Variants in TAOK1 observed in about 807,000 individuals in gnomAD.
TAOK1 encodes TAO kinase 1, also known as serine/threonine-protein kinase TAO1.
TAOK1 carries 21 observed loss-of-function variants against 138.3 expected under a neutral mutation model. The observed-to-expected ratio is 0.15, with a 90% confidence interval of 0.11 to 0.22. The LOEUF (loss-of-function observed/expected upper bound fraction) is 0.22. Ranked by LOEUF, TAOK1 falls within the 10% of genes least tolerant of loss-of-function variation. TAOK1 has a pLI of 1.00. For synonymous variants in TAOK1, 361 were observed against 398.4 expected (o/e 0.91, Z 1.12); for missense variants, 651 against 1,227.7 (o/e 0.53, Z 7.02).
At chr17:29,434,174 T>C (rs555242393) in intron 1 of TAOK1, among the ~76,000 whole-genome samples, 1 of 152,314 alleles carries the variant, frequency 6.6e-6, no homozygotes, top group African/African-American at 2.4e-5. Flanking sequence ...TGCTGGCATG[T>C]TGGGCTTTTG....
rs1353020568 is a variant in TAOK1, at chr17:29,544,414, C to T, written c.*1392C>T. ...CAAGTTAACATCACACAATAGGAAA[C>T]ACCACTTCCACAAGTCTCAAGCCTC... On this transcript the variant is annotated 3_prime_UTR_variant, in exon 20 of 20. Transcript: ENST00000261716. The T allele has an allele frequency of 6.6e-6, 1 of 152,508 alleles. No homozygotes were observed. The highest frequency in any genetic ancestry group is 1.5e-5 in the Non-Finnish European group (1 of 68,024). The allele number at this position is 152,508 out of a possible 1,614,324, so 9.4% of individuals were successfully genotyped here.
At chr17:29,439,762 A>G (rs1906154755) in intron 1 of TAOK1, among the ~76,000 whole-genome samples, 3 of 151,386 alleles carry the variant, frequency 2.0e-5, no homozygotes, top group African/African-American at 7.3e-5. Flanking sequence ...AGGACTACCA[A>G]TCTGTAGTCC....
chr17:29,431,456 A>T (rs572853422), intron 1 of TAOK1, among the ~76,000 whole-genome samples: 19 of 151,350 alleles, frequency 1.3e-4, no homozygotes, highest in Middle Eastern at 3.4e-3. Context: ...TAAATAAATT[A>T]AAAAAAAACC....
intron 8 of TAOK1, among the ~76,000 whole-genome samples, chr17:29,486,246 G>A (rs142222178): frequency 8.4e-4 from 128 of 152,238 alleles, no homozygotes; most frequent in African/African-American, 2.2e-3. Context: ...CTAAGATCGC[G>A]CCACTGCACT....
Position 29,543,824 on chromosome 17 carries a change from G to C in TAOK1, c.*802G>C, listed in dbSNP as rs2032359012. On this transcript the variant is annotated 3_prime_UTR_variant, in exon 20 of 20. Transcript: ENST00000261716. ...GGGGTACTTAAGGAGATCACAAGTT[G>C]TGTGAGGATTGCATTAACAAACCTA... The C allele has an allele frequency of 6.6e-6, 1 of 152,188 alleles. No homozygotes were observed. The highest frequency in any genetic ancestry group is 6.5e-5 in the Admixed American group (1 of 15,286). The allele number at this position is 152,188 out of a possible 1,614,324, so 9.4% of individuals were successfully genotyped here.
intron 10 of TAOK1, 24 bp downstream of exon 10, chr17:29,491,889 ATTTAT>A (rs747983420): frequency 1.3e-6 from 2 of 1,549,654 alleles, no homozygotes; most frequent in African/African-American, 1.4e-5. Flanking sequence ...TAGTTTATTT[ATTTAT>A]TTTATTTTAA....
At chr17:29,419,854 T>G (rs1905375550) in intron 1 of TAOK1, among the ~76,000 whole-genome samples, 2 of 152,128 alleles carry the variant, frequency 1.3e-5, no homozygotes, top group African/African-American at 4.8e-5. Flanking sequence ...AGTTTCATTA[T>G]GAGTATGTAA....
rs1163573293 is a variant in TAOK1, at chr17:29,478,297, T to C, written c.399T>C (p.His133=). The stretch of plus-strand genomic sequence containing the variant: ...AAGTGGAAATAGCAGCAATTACACA[T>C]GGTGCTCTTCAGGGATTAGCCTACT... ...LQEVEIAAIT[H]GALQGLAYLH... The change falls in exon 6 of 20, where the codon CAT becomes CAC. Residue 133 remains histidine (H), a synonymous_variant. Coordinates refer to ENST00000261716, the MANE Select transcript of TAOK1 (RefSeq NM_020791.4). 1 of 1,603,592 alleles carries C rather than the reference T, an allele frequency of 6.2e-7. No homozygotes were observed. Among genetic ancestry groups the C allele is most frequent in the Non-Finnish European group, 8.5e-7 (1 of 1,176,166 alleles).
At chr17:29,469,934 A>T (rs1176513099) in intron 3 of TAOK1, among the ~76,000 whole-genome samples, 2 of 152,316 alleles carry the variant, frequency 1.3e-5, no homozygotes, top group Admixed American at 6.5e-5. Context: ...AAAACACCGG[A>T]ACATATTTTG....
rs1046821390 is a variant in TAOK1 at position 29,455,718 on chromosome 17, C to G, written c.132+4038C>G. On this transcript the variant is annotated intron_variant, in intron 2 of 19. Coordinates refer to ENST00000261716, the MANE Select transcript of TAOK1 (RefSeq NM_020791.4). ...TGTCAAATGCCTTTTCTGCATCAAG[C>G]TGGATCATGTGTTTTTTTTTTCCTT... Among the ~76,000 whole-genome samples the G allele has an allele frequency of 5.0e-5, 6 of 120,524 alleles. 1 individual carries two copies. Among genetic ancestry groups the G allele is most frequent in the African/African-American group, 2.5e-4 (6 of 23,706 alleles). 79.1% of individuals were successfully genotyped at this position (120,524 alleles called of 152,430 possible).
chr17:29,508,456 A>G (rs2031664516), intron 14 of TAOK1, among the ~76,000 whole-genome samples: 1 of 152,174 alleles, frequency 6.6e-6, no homozygotes, highest in Non-Finnish European at 1.5e-5. Context: ...ATGTGTTTTA[A>G]TATCAAGTAC....
rs187509904 is a variant in TAOK1 at position 29,457,115 on chromosome 17, A to G, written c.132+5435A>G. On this transcript the variant is annotated intron_variant, in intron 2 of 19. Transcript: ENST00000261716. ...TTTTTTTTTTTTTTTTTTTTTTGAG[A>G]CAGAGTCTCACTCTGTCTCTGTCTC... Among the ~76,000 whole-genome samples, 1,737 of 90,096 alleles carry G rather than the reference A, an allele frequency of 0.019. 29 individuals carry two copies. In the Middle Eastern group the frequency reaches 0.21, roughly 11 times the overall value. 59.1% of individuals were successfully genotyped at this position (90,096 alleles called of 152,430 possible).
intron 19 of TAOK1, among the ~76,000 whole-genome samples, chr17:29,537,506 ATTTTTTTT>A (rs35498725): frequency 8.1e-6 from 1 of 123,340 alleles, no homozygotes; most frequent in Non-Finnish European, 1.7e-5. Context: ...ATGACCACTG[ATTTTTTTT>A]TTTTTTTTTT....
At chr17:29,456,699 A>G (rs2030385733) in intron 2 of TAOK1, among the ~76,000 whole-genome samples, 1 of 150,424 alleles carries the variant, frequency 6.6e-6, no homozygotes, top group Non-Finnish European at 1.5e-5. Flanking sequence ...GGTATACTCA[A>G]CCTATAATGT....
chr17:29,448,411 G>T (rs1567721261), intron 1 of TAOK1, among the ~76,000 whole-genome samples: 2 of 152,088 alleles, frequency 1.3e-5, no homozygotes, highest in African/African-American at 4.8e-5. Flanking sequence ...CAAATGGATT[G>T]TCAAGTTTTC....
chr17:29,437,855 C>A (rs1489763942), intron 1 of TAOK1, among the ~76,000 whole-genome samples: 5 of 150,644 alleles, frequency 3.3e-5, no homozygotes, highest in Non-Finnish European at 4.4e-5. Context: ...GCCTCAGCCT[C>A]CCGAGTAGCT....
At chr17:29,411,334 G>A (rs867408420) in intron 1 of TAOK1, among the ~76,000 whole-genome samples, 2 of 151,286 alleles carry the variant, frequency 1.3e-5, no homozygotes, top group African/African-American at 4.8e-5. Flanking sequence ...TTCGTGATCC[G>A]CCCGCCTCGG....
At chr17:29,540,608 T>A (rs1202126501) in intron 19 of TAOK1, among the ~76,000 whole-genome samples, 5 of 152,134 alleles carry the variant, frequency 3.3e-5, no homozygotes, top group Admixed American at 2.0e-4. Context: ...TTCACTCTTT[T>A]TGCCCAGGCT....
chr17:29,416,654 T>G (rs867873619), intron 1 of TAOK1, among the ~76,000 whole-genome samples: 2 of 152,176 alleles, frequency 1.3e-5, no homozygotes, highest in Admixed American at 6.5e-5. Context: ...CTTTTAGGCT[T>G]GTTTAATTTT....
Sources: allele counts gnomAD v4.1 joint callset (sites outside exome capture counted in the v4.1 genomes callset), GRCh38; gene constraint gnomAD v4.1.1; transcripts MANE v1.5; gene names NCBI Gene and HGNC (gene_info 2026-07-23, HGNC 2026-07-21).